ASTN2: variants seen among roughly 807,000 people sequenced by gnomAD.
ASTN2 encodes the protein astrotactin-2.
Under a neutral mutation model 139.8 loss-of-function variants are expected in ASTN2, and 54 were observed. The ratio of observed to expected loss-of-function variants is 0.39; its 90% CI spans 0.31 to 0.48. The LOEUF is 0.48. Among genes scored for constraint, ASTN2 ranks in the 20% least tolerant of loss-of-function variants. The pLI, the probability that ASTN2 is intolerant of heterozygous loss-of-function variation, is 0.95. For synonymous variants in ASTN2, 756 were observed against 719.5 expected (o/e 1.05, Z -0.81); for missense variants, 1,565 against 1,725.1 (o/e 0.91, Z 1.64).
intron 10 of ASTN2, among the ~76,000 whole-genome samples, chr9:116,949,930 C>T (rs556808094): frequency 6.6e-6 from 1 of 152,000 alleles, no homozygotes; most frequent in East Asian, 1.9e-4. Flanking sequence ...ACTTAGACCA[C>T]TGTCTAGCAT....
chr9:116,423,508 A>G lies in ASTN2; in HGVS notation c.*2343T>C, dbSNP rs1847236759. Among the ~76,000 whole-genome samples the G allele has an allele frequency of 6.6e-6, 1 of 152,224 alleles. No individual in the cohort carries two copies. Among genetic ancestry groups the G allele is most frequent in the Non-Finnish European group, 1.5e-5 (1 of 68,044 alleles). The stretch of plus-strand genomic sequence containing the variant: ...TTGTTCCTCGGGTTGGGTCAAGACA[A>G]TGGAAAGCAACAGCAACCTGATAGC... On this transcript the variant is annotated 3_prime_UTR_variant, in exon 23 of 23. Transcript: ENST00000313400.
chr9:116,842,353 C>G (rs2132307479), intron 11 of ASTN2, among the ~76,000 whole-genome samples: 1 of 152,258 alleles, frequency 6.6e-6, no homozygotes, highest in African/African-American at 2.4e-5. Flanking sequence ...CTCAGAGGAC[C>G]TCTAAGATAC....
intron 1 of ASTN2, among the ~76,000 whole-genome samples, chr9:117,385,982 A>C (rs561064099): frequency 2.0e-5 from 3 of 152,184 alleles, no homozygotes; most frequent in Non-Finnish European, 2.9e-5. Flanking sequence ...TAATAGATGA[A>C]GGGGATATGG....
At chr9:117,076,273 G>A (rs1828278178) in intron 5 of ASTN2, among the ~76,000 whole-genome samples, 1 of 152,166 alleles carries the variant, frequency 6.6e-6, no homozygotes, top group Non-Finnish European at 1.5e-5. Context: ...TGTTGAGGGT[G>A]AAAAGGCAAG....
At chr9:117,251,435 G>A (rs1833536249) in intron 2 of ASTN2, among the ~76,000 whole-genome samples, 1 of 151,202 alleles carries the variant, frequency 6.6e-6, no homozygotes, top group African/African-American at 2.4e-5. Context: ...TTATCTATTT[G>A]TGCTTTGTCC....
At chr9:116,485,042 G>A (rs1052646724) in intron 20 of ASTN2, among the ~76,000 whole-genome samples, 30 of 152,154 alleles carry the variant, frequency 2.0e-4, no homozygotes, top group East Asian at 1.2e-3. Flanking sequence ...GGATTCTGTC[G>A]TTCCCTGTTA....
chr9:116,562,358 T>C (rs1852957507), intron 19 of ASTN2: 1 of 150,152 alleles, frequency 6.7e-6, no homozygotes, highest in Non-Finnish European at 1.5e-5. Flanking sequence ...GGCTCATATA[T>C]TAGCATTCCA....
At chr9:116,875,171 C>T (rs1833264951) in intron 10 of ASTN2, among the ~76,000 whole-genome samples, 1 of 150,828 alleles carries the variant, frequency 6.6e-6, no homozygotes, top group South Asian at 2.1e-4. Flanking sequence ...AAAGCTGGGC[C>T]TCTTGCACCA....
At chr9:116,855,905 G>A (rs1326816) in intron 11 of ASTN2, among the ~76,000 whole-genome samples, 33,222 of 151,970 alleles carry the variant, frequency 0.22, 3,958 homozygotes, top group African/African-American at 0.31. Flanking sequence ...GTAATACTAG[G>A]CCTGATATTA....
At chr9:117,031,950 G>C (rs1838258802) in intron 6 of ASTN2, among the ~76,000 whole-genome samples, 1 of 152,132 alleles carries the variant, frequency 6.6e-6, no homozygotes, top group South Asian at 2.1e-4. Context: ...GCGATGTTTT[G>C]ATATTTTCAT....
At chr9:116,834,490 C>T (rs1831924289) in intron 11 of ASTN2, among the ~76,000 whole-genome samples, 1 of 152,136 alleles carries the variant, frequency 6.6e-6, no homozygotes, top group Admixed American at 6.5e-5. Flanking sequence ...GATGCATAAA[C>T]ATTTAGGATT....
intron 7 of ASTN2, among the ~76,000 whole-genome samples, chr9:116,981,159 T>C (rs534007712): frequency 1.3e-5 from 2 of 152,212 alleles, no homozygotes; most frequent in Non-Finnish European, 2.9e-5. Flanking sequence ...TTTACTTGCC[T>C]GTTCCCCCAC....
intron 19 of ASTN2, among the ~76,000 whole-genome samples, chr9:116,504,111 G>A (rs1258927688): frequency 6.6e-6 from 1 of 152,138 alleles, no homozygotes; most frequent in African/African-American, 2.4e-5. Context: ...AGCCTATAGG[G>A]TGCCTCTGTG....
chr9:117,371,313 C>T (rs1829984242), intron 1 of ASTN2, among the ~76,000 whole-genome samples: 1 of 152,260 alleles, frequency 6.6e-6, no homozygotes, highest in Non-Finnish European at 1.5e-5. Flanking sequence ...AAACTCATCC[C>T]AACATAAAAA....
intron 5 of ASTN2, among the ~76,000 whole-genome samples, chr9:117,045,566 G>C (rs1036770915): frequency 6.6e-6 from 1 of 152,012 alleles, no homozygotes; most frequent in African/African-American, 2.4e-5. Flanking sequence ...TAAGAAATTC[G>C]ACCGGAAATA....
intron 1 of ASTN2, among the ~76,000 whole-genome samples, chr9:117,406,665 T>C (rs1185216534): frequency 6.6e-6 from 1 of 152,106 alleles, no homozygotes; most frequent in Non-Finnish European, 1.5e-5. Context: ...CCCCTTCTTT[T>C]AGCCTTTGTT....
chr9:117,307,886 C>A (rs1383664699), intron 1 of ASTN2, among the ~76,000 whole-genome samples: 1 of 152,192 alleles, frequency 6.6e-6, no homozygotes, highest in Admixed American at 6.5e-5. Context: ...TCCTCTCCTG[C>A]GGTCTCCTGA....
chr9:116,941,776 G>T (rs888925242), intron 10 of ASTN2, among the ~76,000 whole-genome samples: 3 of 151,980 alleles, frequency 2.0e-5, no homozygotes, highest in African/African-American at 7.2e-5. Flanking sequence ...TTTCTTTGGA[G>T]GCTGATCATT....
chr9:116,512,745 GC>G (rs894959173), intron 19 of ASTN2, among the ~76,000 whole-genome samples: 2 of 152,092 alleles, frequency 1.3e-5, no homozygotes, highest in African/African-American at 4.8e-5. Context: ...TGATCCCTTT[GC>G]CATTATGTAA....
Sources: gnomAD v4.1 joint callset for allele counts (sites outside exome capture counted in the v4.1 genomes callset) on GRCh38, gnomAD v4.1.1 for gene constraint, MANE v1.5 for transcripts, NCBI Gene and HGNC (gene_info 2026-07-23, HGNC 2026-07-21) for gene names.